Variants in ADGRB3 observed in about 807,000 individuals in gnomAD.
ADGRB3 encodes the protein brain-specific angiogenesis inhibitor 3.
Under a neutral mutation model 193.4 loss-of-function variants are expected in ADGRB3, and 37 were observed. The ratio of observed to expected loss-of-function variants is 0.19; its 90% confidence interval spans 0.15 to 0.25. ADGRB3 has a LOEUF of 0.25. Ranked by LOEUF, ADGRB3 falls within the 10% of genes least tolerant of loss-of-function variation. ADGRB3 has a pLI of 1.00. For missense variants in ADGRB3, 1,637 were observed against 1,852.9 expected, an observed-to-expected ratio of 0.88 and a Z score of 2.14; for synonymous variants, 690 against 644.2, an observed-to-expected ratio of 1.07 and a Z score of -1.08.
intron 3 of ADGRB3, among the ~76,000 whole-genome samples, chr6:68,684,637 A>G (rs1764950959): frequency 3.9e-5 from 6 of 152,112 alleles, no homozygotes; most frequent in Admixed American, 3.9e-4. Flanking sequence ...AATGAGTGCA[A>G]TGTGATATAA....
chr6:69,289,047 A>G (rs1159400272), intron 20 of ADGRB3, among the ~76,000 whole-genome samples: 1 of 152,208 alleles, frequency 6.6e-6, no homozygotes, highest in Non-Finnish European at 1.5e-5. Flanking sequence ...TAATGAAATA[A>G]TTGGAGAGAA....
intron 17 of ADGRB3, among the ~76,000 whole-genome samples, chr6:69,214,516 A>G (rs1765734790): frequency 6.6e-6 from 1 of 152,122 alleles, no homozygotes; most frequent in Non-Finnish European, 1.5e-5. Flanking sequence ...TCTGGCAAAG[A>G]TCAACCAAGA....
chr6:69,201,879 G>T (rs534332349), intron 17 of ADGRB3, among the ~76,000 whole-genome samples: 1 of 152,034 alleles, frequency 6.6e-6, no homozygotes, highest in African/African-American at 2.4e-5. Context: ...ATCTTCTGTT[G>T]TCTACCCTTC....
intron 4 of ADGRB3, among the ~76,000 whole-genome samples, chr6:68,931,384 T>C (rs1006009624): frequency 6.6e-4 from 100 of 152,076 alleles, no homozygotes; most frequent in Non-Finnish European, 2.6e-4. Context: ...AACTAATATA[T>C]GTATTCATAT....
chr6:68,697,483 A>C (rs1017878244), intron 3 of ADGRB3, among the ~76,000 whole-genome samples: 1 of 151,982 alleles, frequency 6.6e-6, no homozygotes, highest in East Asian at 1.9e-4. Flanking sequence ...TCTCTCTTCT[A>C]TTGCAGGAGG....
At chr6:69,038,934 C>T (rs1468002826) in intron 13 of ADGRB3, among the ~76,000 whole-genome samples, 18 of 152,048 alleles carry the variant, frequency 1.2e-4, no homozygotes. Flanking sequence ...CAGAAATAAA[C>T]AATTTATAAG....
intron 17 of ADGRB3, among the ~76,000 whole-genome samples, chr6:69,172,976 G>A (rs1324463537): frequency 6.6e-6 from 1 of 152,210 alleles, no homozygotes; most frequent in Middle Eastern, 3.2e-3. Context: ...GCAGGGCCTG[G>A]ATCAGTCAGG....
chr6:68,743,431 C>G (rs1047622906), intron 3 of ADGRB3, among the ~76,000 whole-genome samples: 1 of 146,520 alleles, frequency 6.8e-6, no homozygotes, highest in Non-Finnish European at 1.5e-5. Flanking sequence ...TTTTTCTGTT[C>G]GGGAAGTTTC....
intron 3 of ADGRB3, among the ~76,000 whole-genome samples, chr6:68,759,964 G>A (rs888225610): frequency 2.0e-5 from 3 of 151,972 alleles, no homozygotes; most frequent in Non-Finnish European, 4.4e-5. Flanking sequence ...AGTTATTTTA[G>A]TTCAGTTTGG....
intron 17 of ADGRB3, among the ~76,000 whole-genome samples, chr6:69,151,211 C>A (rs779804479): frequency 7.2e-5 from 11 of 152,132 alleles, no homozygotes; most frequent in Non-Finnish European, 1.3e-4. Flanking sequence ...ACCTAGAATG[C>A]CTTTCAAGTT....
At chr6:68,888,540 G>GATAC (rs1282058867) in intron 3 of ADGRB3, among the ~76,000 whole-genome samples, 2 of 75,456 alleles carry the variant, frequency 2.7e-5, no homozygotes, top group African/African-American at 5.3e-5. Context: ...TTGGGTAATA[G>GATAC]ATACACACAC....
At chr6:69,110,686 A>G (rs759770408) in intron 17 of ADGRB3, among the ~76,000 whole-genome samples, 21 of 152,208 alleles carry the variant, frequency 1.4e-4, no homozygotes, top group African/African-American at 4.6e-4. Context: ...TACCTACTCT[A>G]TAATAGTACA....
chr6:68,917,409 C>T (rs1469455569), intron 3 of ADGRB3, among the ~76,000 whole-genome samples: 2 of 152,086 alleles, frequency 1.3e-5, no homozygotes, highest in Non-Finnish European at 2.9e-5. Flanking sequence ...ATATAGTTGC[C>T]TAAACAATAT....
intron 13 of ADGRB3, among the ~76,000 whole-genome samples, chr6:69,042,202 C>T (rs1351530365): frequency 1.3e-5 from 2 of 152,156 alleles, no homozygotes; most frequent in African/African-American, 4.8e-5. Context: ...TTCCATGGCC[C>T]TGCAGAACTG....
chr6:69,030,702 C>T (rs947424402), intron 13 of ADGRB3, among the ~76,000 whole-genome samples: 1 of 152,148 alleles, frequency 6.6e-6, no homozygotes, highest in African/African-American at 2.4e-5. Flanking sequence ...ACCACCATGG[C>T]ACATGTATAC....
At chr6:69,387,227 A>G (rs912250682) in intron 31 of ADGRB3, among the ~76,000 whole-genome samples, 2 of 152,090 alleles carry the variant, frequency 1.3e-5, no homozygotes, top group Non-Finnish European at 2.9e-5. Context: ...GACCATGCTG[A>G]TTATGACTTC....
intron 3 of ADGRB3, among the ~76,000 whole-genome samples, chr6:68,687,289 TTA>T (rs983055805): frequency 4.6e-5 from 7 of 152,102 alleles, no homozygotes; most frequent in African/African-American, 1.7e-4. Flanking sequence ...TTTGAAAGTT[TTA>T]TATATATAAA....
At chr6:69,112,763 ATT>A (rs5877192) in intron 17 of ADGRB3, among the ~76,000 whole-genome samples, 27 of 148,928 alleles carry the variant, frequency 1.8e-4, no homozygotes, top group African/African-American at 4.9e-4. Context: ...TCCAGAGATA[ATT>A]TTTTTTTTTT....
intron 20 of ADGRB3, among the ~76,000 whole-genome samples, chr6:69,266,738 G>A (rs1767049473): frequency 6.6e-6 from 1 of 152,008 alleles, no homozygotes; most frequent in African/African-American, 2.4e-5. Context: ...GAGAGACTAT[G>A]TAAAAGAAAA....
Sources: gnomAD v4.1 joint callset for allele counts (sites outside exome capture counted in the v4.1 genomes callset) on GRCh38, gnomAD v4.1.1 for gene constraint, MANE v1.5 for transcripts, NCBI Gene and HGNC (gene_info 2026-07-23, HGNC 2026-07-21) for gene names.